The following STXBP5L variants were observed in gnomAD, a reference collection of about 807,000 sequenced individuals.
The protein encoded by STXBP5L is syntaxin binding protein 5L, also known as syntaxin-binding protein 5-like.
STXBP5L carries 65 observed loss-of-function variants against 144.5 expected under a neutral mutation model. That is an observed-to-expected ratio of 0.45 (90% CI 0.37 to 0.55). STXBP5L has a LOEUF of 0.55. Among genes scored for constraint, STXBP5L ranks in the 20% least tolerant of loss-of-function variants. STXBP5L has a pLI of 0.00. For missense variants in STXBP5L, 1,298 were observed against 1,405.5 expected, an observed-to-expected ratio of 0.92 and a Z score of 1.22; for synonymous variants, 505 against 469.6, an observed-to-expected ratio of 1.08 and a Z score of -0.97.
chr3:120,977,935 C>T (rs1173393481), intron 3 of STXBP5L, among the ~76,000 whole-genome samples: 1 of 152,214 alleles, frequency 6.6e-6, no homozygotes, highest in Non-Finnish European at 1.5e-5. Context: ...GATGGGCTTC[C>T]CTTTGTGGGT....
At chr3:121,134,180 G>T (rs1404179204) in intron 7 of STXBP5L, among the ~76,000 whole-genome samples, 2 of 152,140 alleles carry the variant, frequency 1.3e-5, no homozygotes, top group Admixed American at 1.3e-4. Context: ...TGCTGGTAGG[G>T]ACTCTGTGGT....
chr3:121,067,201 T>A (rs1576839630), intron 5 of STXBP5L, among the ~76,000 whole-genome samples: 1 of 152,222 alleles, frequency 6.6e-6, no homozygotes, highest in East Asian at 1.9e-4. Context: ...TGGTTTACTG[T>A]CTTTTAACTA....
chr3:120,919,063 G>C (rs1266986788), intron 2 of STXBP5L, among the ~76,000 whole-genome samples: 1 of 152,070 alleles, frequency 6.6e-6, no homozygotes, highest in East Asian at 1.9e-4. Flanking sequence ...GCTACTATAG[G>C]ATAGGCTTTG....
At chr3:120,963,986 C>T (rs1467389473) in intron 3 of STXBP5L, among the ~76,000 whole-genome samples, 1 of 152,158 alleles carries the variant, frequency 6.6e-6, no homozygotes, top group Admixed American at 6.5e-5. Flanking sequence ...CGACTTCTTC[C>T]TGGCTTAGTG....
intron 7 of STXBP5L, among the ~76,000 whole-genome samples, chr3:121,131,333 G>A (rs1169299047): frequency 6.6e-6 from 1 of 152,160 alleles, no homozygotes; most frequent in African/African-American, 2.4e-5. Context: ...TGATACCAAT[G>A]GAGACAGAAA....
At chr3:121,334,643 C>T (rs1230361136) in intron 20 of STXBP5L, among the ~76,000 whole-genome samples, 1 of 152,066 alleles carries the variant, frequency 6.6e-6, no homozygotes, top group Non-Finnish European at 1.5e-5. Flanking sequence ...TATTCCACCA[C>T]AATCAAGTAG....
chr3:120,952,965 A>T (rs1711365812), intron 2 of STXBP5L, among the ~76,000 whole-genome samples: 1 of 148,108 alleles, frequency 6.8e-6, no homozygotes, highest in Admixed American at 6.7e-5. Flanking sequence ...TGCCCAGCTA[A>T]TTTTTTTTTT....
At chr3:121,170,101 T>C (rs1482702658) in intron 9 of STXBP5L, among the ~76,000 whole-genome samples, 2 of 152,114 alleles carry the variant, frequency 1.3e-5, no homozygotes, top group Non-Finnish European at 2.9e-5. Context: ...TACCAGTCAG[T>C]AAATAATGAA....
At chr3:121,099,092 C>T (rs948779536) in intron 5 of STXBP5L, 11 of 152,300 alleles carry the variant, frequency 7.2e-5, no homozygotes, top group African/African-American at 2.6e-4. Context: ...GTACATTTCA[C>T]CATCAGCCTC....
At chr3:120,988,893 A>G (rs1210062762) in intron 3 of STXBP5L, among the ~76,000 whole-genome samples, 4 of 152,022 alleles carry the variant, frequency 2.6e-5, no homozygotes, top group African/African-American at 4.8e-5. Flanking sequence ...TTTAATTCCT[A>G]CTTACAAGTG....
rs138024840 is a variant in STXBP5L, at chr3:120,978,213, G to T, written c.287+23176G>T. 1.0e-3 allele frequency among the ~76,000 whole-genome samples: 154 copies of T among 152,286 alleles called. 3 individuals are homozygous for T. In the East Asian group the frequency reaches 0.022, roughly 21 times the overall value. On this transcript the variant is annotated intron_variant, in intron 3 of 26. Transcript: ENST00000471454. ...GATGTAGATTCCGTCTTTTCACCTA[G>T]TCCCATATTTCTTGGAGGCTTTGTT...
intron 9 of STXBP5L, among the ~76,000 whole-genome samples, chr3:121,201,655 G>GTT (rs201494015): frequency 1.1e-3 from 163 of 146,204 alleles, no homozygotes; most frequent in Middle Eastern, 3.5e-3. Flanking sequence ...GTTACTGGTT[G>GTT]TTTTTTTTTT....
chr3:121,170,362 A>T (rs1577106251), intron 9 of STXBP5L, among the ~76,000 whole-genome samples: 1 of 152,190 alleles, frequency 6.6e-6, no homozygotes, highest in African/African-American at 2.4e-5. Context: ...GAACTGAAGG[A>T]GACAGAAACA....
intron 19 of STXBP5L, among the ~76,000 whole-genome samples, chr3:121,313,846 G>T (rs1404098314): frequency 7.0e-6 from 1 of 143,018 alleles, no homozygotes; most frequent in Non-Finnish European, 1.5e-5. Flanking sequence ...CAGACGGGGC[G>T]GTTGCCAGGC....
chr3:121,313,727 C>T (rs1281583608), intron 19 of STXBP5L, among the ~76,000 whole-genome samples: 5 of 81,472 alleles, frequency 6.1e-5, no homozygotes, highest in Admixed American at 2.7e-4. Flanking sequence ...GCTGGCCGGG[C>T]GGGGGGCTGA....
At chr3:121,058,505 T>C (rs929572859) in intron 5 of STXBP5L, among the ~76,000 whole-genome samples, 6 of 152,268 alleles carry the variant, frequency 3.9e-5, no homozygotes, top group African/African-American at 1.4e-4. Context: ...ATGGGATGGC[T>C]GGGTCAAATG....
Position 121,131,917 on chromosome 3 carries a change from C to A in STXBP5L, c.669+10213C>A, listed in dbSNP as rs1027543085. The stretch of plus-strand genomic sequence containing the variant: ...GAACATGAAACCAGATTCATTAACA[C>A]CAGTAAGGAAATTCAGGATGCCCTC... On this transcript the variant is annotated intron_variant, in intron 7 of 26. Transcript: ENST00000471454. Among the ~76,000 whole-genome samples, 6 of 152,232 alleles carry A rather than the reference C, an allele frequency of 3.9e-5. No individual in the cohort carries two copies. In the South Asian group the frequency reaches 1.0e-3, roughly 26 times the overall value.
At chr3:121,126,923 A>G (rs556270117) in intron 7 of STXBP5L, among the ~76,000 whole-genome samples, 4 of 151,956 alleles carry the variant, frequency 2.6e-5, no homozygotes. Context: ...TATCTCTCTG[A>G]CTCTTCTTCC....
At chr3:121,365,772 A>G (rs925209077) in intron 20 of STXBP5L, among the ~76,000 whole-genome samples, 5 of 149,032 alleles carry the variant, frequency 3.4e-5, no homozygotes, top group Non-Finnish European at 6.0e-5. Flanking sequence ...CTAATTTTTA[A>G]TCTCTGCTCT....
Sources: allele counts gnomAD v4.1 joint callset (sites outside exome capture counted in the v4.1 genomes callset), GRCh38; gene constraint gnomAD v4.1.1; transcripts MANE v1.5; gene names NCBI Gene and HGNC (gene_info 2026-07-23, HGNC 2026-07-21).